Variants in C2CD3 observed in about 807,000 individuals in gnomAD.
C2CD3 encodes the protein C2 domain containing 3 centriole elongation regulator.
C2CD3 carries 148 observed loss-of-function variants against 234.0 expected under a neutral mutation model. The ratio of observed to expected loss-of-function variants is 0.63; its 90% CI spans 0.55 to 0.72. The LOEUF (loss-of-function observed/expected upper bound fraction) is 0.72, where lower values mean the gene tolerates loss of function less well. C2CD3 is among the 30% of genes least tolerant of loss of function. C2CD3 has a pLI of 0.00. For synonymous variants in C2CD3, 1,000 were observed against 1,035.4 expected, an observed-to-expected ratio of 0.97 and a Z score of 0.66; for missense variants, 2,577 against 2,811.5, an observed-to-expected ratio of 0.92 and a Z score of 1.89.
chr11:74,040,274 C>T (rs1042010727), intron 29 of C2CD3, among the ~76,000 whole-genome samples: 1 of 152,008 alleles, frequency 6.6e-6, no homozygotes, highest in African/African-American at 2.4e-5. Context: ...CTGGAAACCA[C>T]CCCCCACCCC....
Position 74,085,754 on chromosome 11 carries a change from G to A in C2CD3, c.3774C>T (p.Cys1258=). 6.2e-7 allele frequency: 1 copy of A among 1,614,104 alleles called. No individual in the cohort carries two copies. Among genetic ancestry groups the A allele is most frequent in the East Asian group, 2.2e-5 (1 of 44,854 alleles). Residue 1258 remains cysteine, a synonymous_variant, in exon 21 of 33, where the codon TGC becomes TGT. Coordinates refer to ENST00000334126, the MANE Select transcript of C2CD3 (RefSeq NM_001286577.2). ...RRTHPVACSF[C]PEFSHHVEFT... ...ACTCAACGTGATGGGAGAACTCAGG[G>A]CAGAAAGAACAGGCCACAGGGTGGG... is the stretch of plus-strand genomic sequence containing the variant.
intron 32 of C2CD3, among the ~76,000 whole-genome samples, chr11:74,020,623 A>G (rs1952048779): frequency 6.6e-6 from 1 of 152,208 alleles, no homozygotes; most frequent in Non-Finnish European, 1.5e-5. Context: ...AGTTGGCAGG[A>G]GTTGGAGGAA....
At chr11:74,076,954 A>G (rs1955065929) in intron 23 of C2CD3, among the ~76,000 whole-genome samples, 1 of 152,154 alleles carries the variant, frequency 6.6e-6, no homozygotes, top group African/African-American at 2.4e-5. Context: ...ATTAGACTGT[A>G]AACTCTTTAA....
At chr11:74,059,460 C>T (rs529347195) in intron 24 of C2CD3, among the ~76,000 whole-genome samples, 2 of 151,030 alleles carry the variant, frequency 1.3e-5, no homozygotes, top group East Asian at 3.9e-4. Context: ...AATCCATACT[C>T]CCACTTCTCC....
intron 7 of C2CD3, among the ~76,000 whole-genome samples, chr11:74,124,115 A>G (rs537290779): frequency 2.6e-5 from 4 of 152,266 alleles, no homozygotes; most frequent in South Asian, 4.1e-4. Context: ...AAGTATGCAT[A>G]TATTTCTGTT....
intron 3 of C2CD3, among the ~76,000 whole-genome samples, chr11:74,150,516 C>A (rs2950410): frequency 0.52 from 32,474 of 61,960 alleles, 7,708 homozygotes; most frequent in East Asian, 0.58. Context: ...AAAAAAAAAA[C>A]AAAAAAAAAA....
At chr11:74,045,793 G>A (rs1039934442) in intron 28 of C2CD3, among the ~76,000 whole-genome samples, 45 of 151,974 alleles carry the variant, frequency 3.0e-4, no homozygotes, top group African/African-American at 1.5e-4. Context: ...GGCTGGTCTC[G>A]AACTCCTGAG....
intron 28 of C2CD3, among the ~76,000 whole-genome samples, chr11:74,043,813 T>C (rs1008295704): frequency 7.9e-5 from 12 of 152,174 alleles, no homozygotes; most frequent in Non-Finnish European, 1.5e-4. Context: ...CTTTTTATTA[T>C]TGAGTTGTAA....
At chr11:74,144,148 G>A (rs1352435934) in intron 3 of C2CD3, among the ~76,000 whole-genome samples, 1 of 152,048 alleles carries the variant, frequency 6.6e-6, no homozygotes, top group African/African-American at 2.4e-5. Context: ...ACAAACAAAA[G>A]AAAAAAGCAT....
chr11:74,089,861 G>C (rs552174440), intron 20 of C2CD3, among the ~76,000 whole-genome samples: 2 of 152,258 alleles, frequency 1.3e-5, no homozygotes, highest in African/African-American at 4.8e-5. Flanking sequence ...CACGTACAAA[G>C]AAATAAAGAG....
intron 20 of C2CD3, 85 bp from the exon 21 acceptor site, chr11:74,085,971 T>C (rs1955626882): frequency 1.5e-6 from 2 of 1,324,240 alleles, no homozygotes; most frequent in Non-Finnish European, 2.0e-6. Context: ...CTTCATTACT[T>C]CTATGAGACC....
At chr11:74,106,893 C>T (rs1227526876) in intron 12 of C2CD3, among the ~76,000 whole-genome samples, 3 of 152,154 alleles carry the variant, frequency 2.0e-5, no homozygotes, top group Non-Finnish European at 4.4e-5. Flanking sequence ...AAACAAGAGG[C>T]TGTCATATGC....
chr11:74,084,707 T>TAA (rs553066981), intron 22 of C2CD3, among the ~76,000 whole-genome samples, 174 bp downstream of exon 22: 1 of 143,422 alleles, frequency 7.0e-6, no homozygotes. Context: ...ATCTTTAAAC[T>TAA]AAAAAAAAAA....
rs1167906276 is a variant in C2CD3, at chr11:74,078,666, T to C, written c.4052A>G (p.His1351Arg). 1.2e-6 allele frequency: 2 copies of C among 1,613,702 alleles called. No homozygotes were observed. Among genetic ancestry groups the C allele is most frequent in the Admixed American group, 1.7e-5 (1 of 59,992 alleles). The change falls in exon 23 of 33, where the codon CAT (histidine) becomes CGT (arginine). Residue 1351 changes from histidine to arginine, a missense_variant. Coordinates refer to ENST00000334126, the MANE Select transcript of C2CD3 (RefSeq NM_001286577.2). Reference protein sequence around the residue: ...IILPEDGGLPHGLELMQKIVG... With the variant: ...IILPEDGGLPRGLELMQKIVG... ...GATCTTCTGCATGAGCTCCAGGCCA[T>C]GAGGTAGGCCCCCGTCTTCTGGTAA...
intron 22 of C2CD3, among the ~76,000 whole-genome samples, chr11:74,080,434 A>G (rs1355987862): frequency 2.6e-5 from 4 of 152,048 alleles, no homozygotes; most frequent in African/African-American, 9.7e-5. Context: ...GGTTCTTAAC[A>G]TTTTTTTGGT....
chr11:74,077,086 T>G (rs1955071252), intron 23 of C2CD3, among the ~76,000 whole-genome samples: 2 of 152,170 alleles, frequency 1.3e-5, no homozygotes, highest in South Asian at 4.1e-4. Context: ...AATGTTACCC[T>G]TTTCTTTTCT....
intron 23 of C2CD3, among the ~76,000 whole-genome samples, chr11:74,077,459 T>C (rs2135463821): frequency 6.6e-6 from 1 of 152,026 alleles, no homozygotes; most frequent in South Asian, 2.1e-4. Flanking sequence ...ACAATCTCTT[T>C]AGGGATGAGT....
intron 32 of C2CD3, among the ~76,000 whole-genome samples, chr11:74,016,189 C>G (rs1369500870): frequency 1.3e-5 from 2 of 152,224 alleles, no homozygotes; most frequent in Non-Finnish European, 2.9e-5. Flanking sequence ...TGTCATAGGG[C>G]TGCTCAGCTA....
Position 74,042,223 on chromosome 11 carries a change from CAAAA to C in C2CD3, c.5496-9_5496-6del, listed in dbSNP as rs747090151. 3,560 of 1,360,880 alleles carry C rather than the reference CAAAA, an allele frequency of 2.6e-3. No homozygotes were observed. Among genetic ancestry groups the C allele is most frequent in the Admixed American group, 5.4e-3 (180 of 33,520 alleles). The allele number at this position is 1,360,880 out of a possible 1,614,324, so 84.3% of individuals were successfully genotyped here. A position where few individuals can be genotyped will look rare whatever the true frequency, so the allele number is the denominator to read the frequency against. On this transcript the variant is annotated splice_polypyrimidine_tract_variant and splice_region_variant and intron_variant, in intron 28 of 32. Coordinates refer to ENST00000334126, the MANE Select transcript of C2CD3 (RefSeq NM_001286577.2). ...TGGCTTCTTGTGGTATCACTTCTGT[CAAAA>C]AAAAAAAAAAAAAAAGTAGGAGCAA...
Sources: gnomAD v4.1 joint callset for allele counts (sites outside exome capture counted in the v4.1 genomes callset) on GRCh38, gnomAD v4.1.1 for gene constraint, MANE v1.5 for transcripts, NCBI Gene and HGNC (gene_info 2026-07-23, HGNC 2026-07-21) for gene names.